SOX5: variants seen among roughly 807,000 people sequenced by gnomAD.
SOX5 encodes SRY-box transcription factor 5.
A neutral mutation model predicts 92.0 loss-of-function variants in SOX5; 9 were observed. The observed-to-expected ratio is 0.10, with a 90% CI of 0.06 to 0.17. SOX5 has a LOEUF of 0.17. Among genes scored for constraint, SOX5 ranks in the 10% least tolerant of loss-of-function variants. The pLI is 1.00. For synonymous variants in SOX5, 344 were observed against 336.3 expected, an observed-to-expected ratio of 1.02 and a Z score of -0.25; for missense variants, 642 against 944.5, an observed-to-expected ratio of 0.68 and a Z score of 4.20.
intron 2 of SOX5, among the ~76,000 whole-genome samples, chr12:24,298,101 C>A (rs1042394794): frequency 6.6e-6 from 1 of 152,172 alleles, no homozygotes; most frequent in African/African-American, 2.4e-5. Context: ...GAGACAGGGT[C>A]TCACTCTGTC....
intron 3 of SOX5, among the ~76,000 whole-genome samples, chr12:23,823,504 C>A (rs2096167271): frequency 6.6e-6 from 1 of 152,130 alleles, no homozygotes; most frequent in South Asian, 2.1e-4. Flanking sequence ...TGATGGGCTT[C>A]CCTTTGTGGG....
At chr12:24,383,033 C>T (rs1229757670) in intron 1 of SOX5, among the ~76,000 whole-genome samples, 1 of 152,144 alleles carries the variant, frequency 6.6e-6, no homozygotes, top group East Asian at 1.9e-4. Context: ...GTTGTCCTAG[C>T]TCTGACCACT....
At chr12:23,954,672 C>A (rs549693197), upstream of SOX5, among the ~76,000 whole-genome samples, 7 of 152,092 alleles carry the variant, frequency 4.6e-5, no homozygotes, top group Non-Finnish European at 8.8e-5. Context: ...CACCATAATA[C>A]ATGTATGCCA....
chr12:24,342,128 T>C (rs1024197581), intron 2 of SOX5, among the ~76,000 whole-genome samples: 1 of 152,212 alleles, frequency 6.6e-6, no homozygotes, highest in African/African-American at 2.4e-5. Context: ...TGCCAACAAC[T>C]TGTAGGAAAT....
intron 1 of SOX5, among the ~76,000 whole-genome samples, chr12:24,469,012 T>C (rs1014885809): frequency 1.1e-4 from 16 of 152,204 alleles, no homozygotes; most frequent in African/African-American, 3.9e-4. Flanking sequence ...TTTCCACTAT[T>C]ATCACATTGT....
At chr12:23,717,280 C>T (rs2092560608) in intron 6 of SOX5, among the ~76,000 whole-genome samples, 1 of 152,082 alleles carries the variant, frequency 6.6e-6, no homozygotes, top group African/African-American at 2.4e-5. Flanking sequence ...CATTACTGAA[C>T]TTTAAAAGGC....
chr12:24,037,527 C>A (rs1271902548), intron 4 of SOX5, among the ~76,000 whole-genome samples: 1 of 152,102 alleles, frequency 6.6e-6, no homozygotes, highest in Non-Finnish European at 1.5e-5. Context: ...AATTTTTCCA[C>A]ATATGATCAT....
At chr12:24,050,017 C>T (rs1272450277) in intron 4 of SOX5, among the ~76,000 whole-genome samples, 2 of 134,568 alleles carry the variant, frequency 1.5e-5, no homozygotes, top group Non-Finnish European at 3.0e-5. Context: ...AGATAGTAAG[C>T]AGGTATGTTT....
At chr12:24,283,042 A>G (rs1736284729) in intron 2 of SOX5, among the ~76,000 whole-genome samples, 1 of 152,258 alleles carries the variant, frequency 6.6e-6, no homozygotes, top group African/African-American at 2.4e-5. Flanking sequence ...GTATGTTAGT[A>G]CAGATGTACC....
intron 4 of SOX5, among the ~76,000 whole-genome samples, chr12:24,000,623 A>G (rs1053423633): frequency 1.3e-5 from 2 of 152,170 alleles, no homozygotes; most frequent in Non-Finnish European, 2.9e-5. Flanking sequence ...TTACAAAGAA[A>G]GCAATAAAGG....
chr12:24,507,773 A>G (rs888465472), intron 1 of SOX5, among the ~76,000 whole-genome samples: 4 of 152,226 alleles, frequency 2.6e-5, no homozygotes, highest in African/African-American at 4.8e-5. Flanking sequence ...GCTTTAAAAT[A>G]CTACAGCAAA....
intron 4 of SOX5, among the ~76,000 whole-genome samples, chr12:24,046,122 C>T (rs778338167): frequency 8.5e-5 from 13 of 152,204 alleles, no homozygotes; most frequent in Non-Finnish European, 1.5e-4. Flanking sequence ...ACTGGTGTTA[C>T]TTCACTCTAA....
intron 1 of SOX5, among the ~76,000 whole-genome samples, chr12:24,476,393 T>A (rs1247775354): frequency 6.6e-6 from 1 of 152,228 alleles, no homozygotes; most frequent in South Asian, 2.1e-4. Context: ...AAAGCGCTCA[T>A]GTAGAGTACT....
intron 13 of SOX5, among the ~76,000 whole-genome samples, chr12:23,542,762 CACA>C (rs1942359493): frequency 6.6e-6 from 1 of 152,194 alleles, no homozygotes; most frequent in Non-Finnish European, 1.5e-5. Context: ...CCCTCACCCC[CACA>C]ACAAGATGAA....
chr12:24,359,338 CT>C (rs1482228274), intron 2 of SOX5, among the ~76,000 whole-genome samples: 3 of 152,154 alleles, frequency 2.0e-5, no homozygotes, highest in African/African-American at 7.2e-5. Flanking sequence ...GGGTGAGGGC[CT>C]TGATGCTCCG....
chr12:24,307,888 A>G (rs985259924), intron 2 of SOX5, among the ~76,000 whole-genome samples: 2 of 152,160 alleles, frequency 1.3e-5, no homozygotes, highest in Non-Finnish European at 2.9e-5. Context: ...TCAGGCATGA[A>G]CAGGGCAGGA....
intron 1 of SOX5, among the ~76,000 whole-genome samples, chr12:24,439,500 T>C (rs1426101190): frequency 6.6e-6 from 1 of 152,238 alleles, no homozygotes; most frequent in African/African-American, 2.4e-5. Context: ...CATTTCACTT[T>C]GTTCACTCAA....
intron 4 of SOX5, among the ~76,000 whole-genome samples, chr12:23,988,839 AG>A (rs1220255647): frequency 1.3e-5 from 2 of 152,118 alleles, no homozygotes; most frequent in Non-Finnish European, 2.9e-5. Flanking sequence ...TAAGTCACCG[AG>A]GTACAAGTCT....
At chr12:23,536,251 C>G (rs1940417813) in intron 14 of SOX5, among the ~76,000 whole-genome samples, 1 of 152,146 alleles carries the variant, frequency 6.6e-6, no homozygotes, top group Non-Finnish European at 1.5e-5. Context: ...GTTAACAAAT[C>G]TCATGGTAGA....
Sources: allele counts gnomAD v4.1 joint callset (sites outside exome capture counted in the v4.1 genomes callset), GRCh38; gene constraint gnomAD v4.1.1; transcripts MANE v1.5; gene names NCBI Gene and HGNC (gene_info 2026-07-23, HGNC 2026-07-21).